The following SPON1 variants were observed in gnomAD, a reference collection of about 807,000 sequenced individuals.
SPON1 encodes the protein spondin-1.
In SPON1, 52 loss-of-function variants were observed where a neutral mutation model predicts 111.7. The ratio of observed to expected loss-of-function variants is 0.47; its 90% CI spans 0.37 to 0.59. SPON1 has a LOEUF of 0.59. Ranked by LOEUF, SPON1 falls within the 20% of genes least tolerant of loss-of-function variation. The pLI, the probability that SPON1 is intolerant of heterozygous loss-of-function variation, is 0.00. For synonymous variants in SPON1, 410 were observed against 395.8 expected, an observed-to-expected ratio of 1.04 and a Z score of -0.43; for missense variants, 957 against 1,068.5, an observed-to-expected ratio of 0.90 and a Z score of 1.46.
At chr11:14,076,121 T>C (rs1436960124) in intron 4 of SPON1, among the ~76,000 whole-genome samples, 3 of 152,202 alleles carry the variant, frequency 2.0e-5, no homozygotes, top group African/African-American at 7.2e-5. Context: ...GTCTATAGAA[T>C]AGATAGCTCT....
intron 3 of SPON1, among the ~76,000 whole-genome samples, chr11:14,063,448 T>C (rs1848806941): frequency 6.6e-6 from 1 of 152,176 alleles, no homozygotes; most frequent in Admixed American, 6.6e-5. Flanking sequence ...CCACTCTTCC[T>C]TTCTTCCTTC....
intron 5 of SPON1, among the ~76,000 whole-genome samples, chr11:14,131,183 A>G (rs782446299): frequency 1.2e-4 from 19 of 152,096 alleles, no homozygotes; most frequent in Non-Finnish European, 2.5e-4. Context: ...TCTCTTCTGT[A>G]TCATGACCTC....
At chr11:14,095,154 A>G (rs1439517008) in intron 5 of SPON1, among the ~76,000 whole-genome samples, 1 of 152,178 alleles carries the variant, frequency 6.6e-6, no homozygotes, top group African/African-American at 2.4e-5. Flanking sequence ...TCAGAATTTT[A>G]AGTGGGATTG....
At position 14,025,095 on chromosome 11, in the gene SPON1, G is replaced by C. The variant is rs544927432; in HGVS notation, c.346-16426G>C. 1.1e-4 allele frequency among the ~76,000 whole-genome samples: 16 copies of C among 152,272 alleles called. 1 individual carries two copies. The South Asian group carries it at 3.3e-3, about 32-fold the overall frequency. On this transcript the variant is annotated intron_variant, in intron 2 of 15. Transcript: ENST00000576479. The stretch of plus-strand genomic sequence containing the variant: ...TTTAAAGTAAGAGACTGGGGGTGCA[G>C]TCATTTATTCAGCAAACATGTACCA...
chr11:14,130,219 A>G (rs1027466560), intron 5 of SPON1, among the ~76,000 whole-genome samples: 6 of 152,214 alleles, frequency 3.9e-5, no homozygotes, highest in Non-Finnish European at 8.8e-5. Flanking sequence ...TCCAGAACAC[A>G]TGTTCATCTC....
chr11:14,159,987 G>C (rs1554930770), intron 6 of SPON1, among the ~76,000 whole-genome samples: 6 of 151,854 alleles, frequency 4.0e-5, no homozygotes, highest in Non-Finnish European at 2.9e-5. Flanking sequence ...TAGCATAATA[G>C]GTGAATATAG....
intron 2 of SPON1, among the ~76,000 whole-genome samples, chr11:14,040,596 T>G (rs1487882123): frequency 6.6e-6 from 1 of 152,162 alleles, no homozygotes; most frequent in Non-Finnish European, 1.5e-5. Context: ...TCTGTTGTCC[T>G]AAAAAGAAAA....
At chr11:14,256,215 C>A (rs899607196) in intron 9 of SPON1, among the ~76,000 whole-genome samples, 4 of 151,958 alleles carry the variant, frequency 2.6e-5, no homozygotes, top group Admixed American at 6.6e-5. Flanking sequence ...CCATTGCGCT[C>A]CAGTCTGGGT....
At chr11:14,250,533 T>C (rs141884971) in intron 7 of SPON1, among the ~76,000 whole-genome samples, 1 of 152,288 alleles carries the variant, frequency 6.6e-6, no homozygotes, top group Non-Finnish European at 1.5e-5. Context: ...CAGTCTGTAT[T>C]GCTGATTTAT....
intron 1 of SPON1, among the ~76,000 whole-genome samples, chr11:13,969,075 T>C (rs1055058014): frequency 6.6e-6 from 1 of 152,108 alleles, no homozygotes; most frequent in Admixed American, 6.5e-5. Flanking sequence ...AAACTGATGT[T>C]CCTGCTAAGA....
chr11:14,169,556 G>C (rs1384084427), intron 6 of SPON1, among the ~76,000 whole-genome samples: 8 of 151,540 alleles, frequency 5.3e-5, no homozygotes, highest in African/African-American at 1.9e-4. Flanking sequence ...TGGTGTTTTA[G>C]ACATGAAGTC....
At chr11:14,161,952 G>A (rs190960821) in intron 6 of SPON1, among the ~76,000 whole-genome samples, 5 of 151,660 alleles carry the variant, frequency 3.3e-5, no homozygotes, top group Admixed American at 6.6e-5. Context: ...TCAGGAGTTC[G>A]AGACCAGCCT....
intron 6 of SPON1, among the ~76,000 whole-genome samples, chr11:14,158,469 C>T (rs1847874281): frequency 6.6e-6 from 1 of 152,194 alleles, no homozygotes; most frequent in African/African-American, 2.4e-5. Flanking sequence ...GCTCACTTCT[C>T]TGTCCCTTTC....
At chr11:14,073,307 C>T (rs1554921109) in intron 3 of SPON1, among the ~76,000 whole-genome samples, 4 of 152,088 alleles carry the variant, frequency 2.6e-5, no homozygotes, top group African/African-American at 9.7e-5. Context: ...TTATGTGCTG[C>T]CAATAAATGT....
At chr11:14,141,113 G>C (rs953865285) in intron 6 of SPON1, among the ~76,000 whole-genome samples, 3 of 151,178 alleles carry the variant, frequency 2.0e-5, no homozygotes, top group Admixed American at 6.6e-5. Context: ...CCTGGGGCCT[G>C]TATCCCAGTC....
rs894527111 is a variant in SPON1, at chr11:14,266,464, C to T, written c.*777C>T. On this transcript the variant is annotated 3_prime_UTR_variant, in exon 16 of 16. Coordinates refer to ENST00000576479, the MANE Select transcript of SPON1 (RefSeq NM_006108.4). ...AGTATGTACAATTCTTCTGGGAAGC[C>T]AGCCTTCTGAACTTTTTGGTACTAA... is the stretch of plus-strand genomic sequence containing the variant. 2.6e-5 allele frequency: 4 copies of T among 152,142 alleles called. No homozygotes were observed. Among genetic ancestry groups the T allele is most frequent in the Admixed American group, 6.5e-5 (1 of 15,274 alleles). The allele number at this position is 152,142 out of a possible 1,614,324, so 9.4% of individuals were successfully genotyped here.
intron 1 of SPON1, among the ~76,000 whole-genome samples, chr11:13,969,346 A>G (rs1371779843): frequency 6.6e-6 from 1 of 152,150 alleles, no homozygotes; most frequent in Non-Finnish European, 1.5e-5. Flanking sequence ...AGATTGTGCC[A>G]GTGCACCCAG....
chr11:14,073,374 G>A (rs937383477), intron 3 of SPON1, among the ~76,000 whole-genome samples: 8 of 152,170 alleles, frequency 5.3e-5, no homozygotes, highest in African/African-American at 1.9e-4. Flanking sequence ...GTAGTGTCAT[G>A]TCAGCACCCA....
intron 5 of SPON1, among the ~76,000 whole-genome samples, chr11:14,109,547 G>A (rs1464336773): frequency 1.3e-5 from 2 of 152,058 alleles, no homozygotes; most frequent in Non-Finnish European, 2.9e-5. Context: ...TGCACATTTT[G>A]TGCACAGAGT....
Sources: allele counts gnomAD v4.1 joint callset (sites outside exome capture counted in the v4.1 genomes callset), GRCh38; gene constraint gnomAD v4.1.1; transcripts MANE v1.5; gene names NCBI Gene and HGNC (gene_info 2026-07-23, HGNC 2026-07-21).